The following DEFB131A variants were observed in gnomAD, a reference collection of about 807,000 sequenced individuals.
DEFB131A encodes beta-defensin 131A.
A neutral mutation model predicts 2.4 loss-of-function variants in DEFB131A; 5 were observed. The ratio of observed to expected loss-of-function variants is 2.12; its 90% CI spans 1.11 to 4.47. The LOEUF (loss-of-function observed/expected upper bound fraction) is 4.47, where lower values mean the gene tolerates loss of function less well. Among genes scored for constraint, DEFB131A ranks in the 30% most tolerant of loss-of-function variants. DEFB131A has a pLI of 0.00. For missense variants in DEFB131A, 120 were observed against 79.9 expected (o/e 1.50, Z -1.91); for synonymous variants, 34 against 25.7 (o/e 1.32, Z -0.97).
At position 9,450,616 on chromosome 4, in the gene DEFB131A, C is replaced by A; in HGVS notation, c.*102C>A. The A allele has an allele frequency of 2.8e-6, 4 of 1,436,712 alleles. No individual in the cohort carries two copies. The highest frequency in any genetic ancestry group is 3.8e-6 in the Non-Finnish European group (4 of 1,060,840). 89.0% of individuals were successfully genotyped at this position (1,436,712 alleles called of 1,614,324 possible). On this transcript the variant is annotated 3_prime_UTR_variant, in exon 2 of 2. Coordinates refer to ENST00000334879, the MANE Select transcript of DEFB131A (RefSeq NM_001040448.3). ...TGATAGATGAAAATTATTATAATTGCATGTTTAGATGGTCAGGTGAAAATG... is the reference window on the plus strand; with the variant it reads ...TGATAGATGAAAATTATTATAATTGAATGTTTAGATGGTCAGGTGAAAATG...
intron 1 of DEFB131A, 133 bp from the exon 2 acceptor site, chr4:9,450,227 G>T (rs1717619776): frequency 1.9e-6 from 2 of 1,073,144 alleles, no homozygotes; most frequent in Non-Finnish European, 2.5e-6. Context: ...GTTTTCTCTT[G>T]CATTTTTTGC....
chr4:9,450,511 G>T lies in DEFB131A; in HGVS notation c.210G>T (p.Trp70Cys), dbSNP rs200692680. Residue 70 changes from tryptophan to cysteine, a missense_variant, in exon 2 of 2, where the codon TGG becomes TGT. Transcript: ENST00000334879. ...KIIEIDGQKK[W>C] ...TTGAAATTGACGGACAAAAGAAGTGGTGAAAATTCTAACTCCATCTTCTTC... is the reference window on the plus strand; with the variant it reads ...TTGAAATTGACGGACAAAAGAAGTGTTGAAAATTCTAACTCCATCTTCTTC... 6.1e-5 allele frequency: 98 copies of T among 1,608,106 alleles called. No individual in the cohort carries two copies. Among genetic ancestry groups the T allele is most frequent in the Non-Finnish European group, 7.7e-5 (91 of 1,178,020 alleles).
chr4:9,447,070 G>T (rs532917572), intron 1 of DEFB131A, among the ~76,000 whole-genome samples: 6 of 152,210 alleles, frequency 3.9e-5, no homozygotes, highest in Non-Finnish European at 7.4e-5. Flanking sequence ...ACAGCTATTG[G>T]ATGAAGTGTT....
intron 1 of DEFB131A, among the ~76,000 whole-genome samples, chr4:9,449,284 C>T (rs1403476424): frequency 7.8e-6 from 1 of 127,548 alleles, no homozygotes; most frequent in Admixed American, 8.7e-5. Context: ...AGATTATATA[C>T]AATCCCTATC....
chr4:9,445,238 C>T (rs1392158677), intron 1 of DEFB131A, among the ~76,000 whole-genome samples: 2 of 152,030 alleles, frequency 1.3e-5, no homozygotes, highest in Admixed American at 1.3e-4. Flanking sequence ...GTGGATACTC[C>T]ACCATAATCC....
Position 9,450,558 on chromosome 4 carries a change from G to T in DEFB131A, c.*44G>T, listed in dbSNP as rs763858628. 10 of 1,583,944 alleles carry T rather than the reference G, an allele frequency of 6.3e-6. No individual in the cohort carries two copies. Among genetic ancestry groups the T allele is most frequent in the Non-Finnish European group, 6.9e-6 (8 of 1,164,442 alleles). On this transcript the variant is annotated 3_prime_UTR_variant, in exon 2 of 2. Transcript: ENST00000334879. ...CTTCAGACTCCGGGACAAAAAACAT[G>T]TCTTAAACTCTCTTATCTATGAATA...
At chr4:9,448,445 G>C (rs1377104743) in intron 1 of DEFB131A, among the ~76,000 whole-genome samples, 1 of 152,018 alleles carries the variant, frequency 6.6e-6, no homozygotes, top group Non-Finnish European at 1.5e-5. Context: ...TGCCTCCTGG[G>C]TCCAAGCAAT....
At chr4:9,444,981 G>A (rs1449542153) in intron 1 of DEFB131A, among the ~76,000 whole-genome samples, 1 of 151,960 alleles carries the variant, frequency 6.6e-6, no homozygotes, top group Non-Finnish European at 1.5e-5. Context: ...TACTCAGGAA[G>A]CTTAGGCAGG....
intron 1 of DEFB131A, among the ~76,000 whole-genome samples, chr4:9,446,715 G>A (rs1218857232): frequency 1.3e-5 from 2 of 151,954 alleles, no homozygotes; most frequent in Admixed American, 6.6e-5. Flanking sequence ...CTTGCAGTAG[G>A]CATTTATTGC....
Position 9,444,585 on chromosome 4 carries a change from C to G in DEFB131A, c.52C>G (p.Pro18Ala), listed in dbSNP as rs758097415. 3.8e-6 allele frequency: 6 copies of G among 1,580,222 alleles called. No homozygotes were observed. The South Asian group carries it at 6.7e-5, about 18-fold the overall frequency. ...FGVLSLMFTV[P>A]PARSFISNDE... ...AGTCCTTTCCTTGATGTTCACAGTT[C>G]CTCCAGGTAAGACAGAAACTTTTTT... Residue 18 changes from proline to alanine, a missense_variant, in exon 1 of 2, where the codon CCT (proline) becomes GCT (alanine). Pro to Ala is a conservative substitution (Grantham distance 27). Coordinates refer to ENST00000334879, the MANE Select transcript of DEFB131A (RefSeq NM_001040448.3).
intron 1 of DEFB131A, among the ~76,000 whole-genome samples, chr4:9,447,923 T>G (rs567328778): frequency 2.0e-5 from 3 of 151,856 alleles, no homozygotes; most frequent in African/African-American, 4.8e-5. Context: ...AAAAAAGAAT[T>G]AAAAAGAACA....
chr4:9,445,179 G>GA (rs1211588585), intron 1 of DEFB131A, among the ~76,000 whole-genome samples: 1 of 152,096 alleles, frequency 6.6e-6, no homozygotes, highest in African/African-American at 2.4e-5. Flanking sequence ...TAAAGAATTG[G>GA]AAAAAGGAAA....
intron 1 of DEFB131A, among the ~76,000 whole-genome samples, chr4:9,446,771 T>G (rs1415881655): frequency 7.2e-5 from 11 of 152,278 alleles, no homozygotes; most frequent in African/African-American, 2.6e-4. Flanking sequence ...TCCATAGGTT[T>G]TGGTATGTTG....
In DEFB131A at chr4:9,444,526, A is replaced by G. The variant is rs191659069; in HGVS notation, c.-8A>G. On this transcript the variant is annotated 5_prime_UTR_variant, in exon 1 of 2. Transcript: ENST00000334879. Reference sequence around the variant, plus strand: ...TGATTCTCTCTAACCTGCTTTACCTATTCAACCATGAGGGTCTTGTTTTTT... The same window carrying G: ...TGATTCTCTCTAACCTGCTTTACCTGTTCAACCATGAGGGTCTTGTTTTTT... The G allele has an allele frequency of 9.9e-6, 16 of 1,611,434 alleles. No individual in the cohort carries two copies. The highest frequency in any genetic ancestry group is 1.3e-5 in the Non-Finnish European group (15 of 1,179,600).
chr4:9,446,334 AT>A (rs1243576648), intron 1 of DEFB131A, among the ~76,000 whole-genome samples: 1 of 151,954 alleles, frequency 6.6e-6, no homozygotes, highest in Non-Finnish European at 1.5e-5. Context: ...AGTTAGATTG[AT>A]TATTGGTGTT....
At position 9,450,417 on chromosome 4, in the gene DEFB131A, A is replaced by C; in HGVS notation, c.116A>C (p.Lys39Thr). The C allele has an allele frequency of 1.2e-6, 2 of 1,607,232 alleles. No homozygotes were observed. The highest frequency in any genetic ancestry group is 2.2e-5 in the South Asian group (2 of 90,012). ...TCAGAATATTATCATTGCAGACTGAAGTGCAATGCTGATGAACATGCAATT... is the reference window on the plus strand; with the variant it reads ...TCAGAATATTATCATTGCAGACTGACGTGCAATGCTGATGAACATGCAATT... ...CPSEYYHCRL[K>T]CNADEHAIRY... Residue 39 changes from lysine (K) to threonine (T), a missense_variant, in exon 2 of 2, where the codon AAG becomes ACG. Physicochemically the swap from Lys to Thr is moderately conservative, Grantham distance 78. Coordinates refer to ENST00000334879, the MANE Select transcript of DEFB131A (RefSeq NM_001040448.3).
chr4:9,450,213 C>T, intron 1 of DEFB131A, 147 bp from the exon 2 acceptor site: 1 of 937,296 alleles, frequency 1.1e-6, no homozygotes, highest in Non-Finnish European at 1.5e-6. Context: ...TTCAGCATCT[C>T]CACGTTTTCT....
At chr4:9,446,516 A>C (rs1717508905) in intron 1 of DEFB131A, among the ~76,000 whole-genome samples, 1 of 152,030 alleles carries the variant, frequency 6.6e-6, no homozygotes, top group African/African-American at 2.4e-5. Context: ...CAGTTTATAA[A>C]GTCTGTTTAT....
chr4:9,445,584 C>T (rs552576340), intron 1 of DEFB131A, among the ~76,000 whole-genome samples: 1 of 151,488 alleles, frequency 6.6e-6, no homozygotes, highest in African/African-American at 2.4e-5. Context: ...CTTAACAATT[C>T]AAGATTCCCT....
Sources: gnomAD v4.1 joint callset for allele counts (sites outside exome capture counted in the v4.1 genomes callset) on GRCh38, gnomAD v4.1.1 for gene constraint, MANE v1.5 for transcripts, NCBI Gene and HGNC (gene_info 2026-07-23, HGNC 2026-07-21) for gene names.